The following DCDC2C variants were observed in gnomAD, a reference collection of about 807,000 sequenced individuals.
DCDC2C encodes doublecortin domain-containing protein 2C.
DCDC2C carries 44 observed loss-of-function variants against 45.0 expected under a neutral mutation model. The observed-to-expected ratio is 0.98, with a 90% CI of 0.77 to 1.26. DCDC2C has a LOEUF of 1.26. Ranked by LOEUF, DCDC2C falls within the 50% of genes most tolerant of loss-of-function variation. The pLI is 0.00. For synonymous variants in DCDC2C, 187 were observed against 178.8 expected, an observed-to-expected ratio of 1.05 and a Z score of -0.37; for missense variants, 447 against 468.9, an observed-to-expected ratio of 0.95 and a Z score of 0.43.
At chr2:3,721,898 G>A (rs1668514966) in intron 2 of DCDC2C, among the ~76,000 whole-genome samples, 1 of 152,188 alleles carries the variant, frequency 6.6e-6, no homozygotes, top group Non-Finnish European at 1.5e-5. Context: ...TGATTGTGAG[G>A]CCTCCCCAGC....
Position 3,752,879 on chromosome 2 carries a change from G to C in DCDC2C, c.662G>C (p.Arg221Thr). 9 of 1,550,488 alleles carry C rather than the reference G, an allele frequency of 5.8e-6. No homozygotes were observed. The highest frequency in any genetic ancestry group is 3.6e-5 in the South Asian group (3 of 84,050). Residue 221 changes from arginine (R) to threonine (T), a missense_variant, in exon 5 of 11, where the codon AGG (arginine) becomes ACG (threonine). Coordinates refer to ENST00000399143, the MANE Select transcript of DCDC2C (RefSeq NM_001287444.2). ...FKYFPYWKSP[R>T]VPSEVQQRYA... is the part of the protein sequence containing the mutation. Reference sequence around the variant, plus strand: ...TATTTTCCTTACTGGAAGTCTCCAAGGGTGCCCAGTGAGGTCCAACAGTGA... The same window carrying C: ...TATTTTCCTTACTGGAAGTCTCCAACGGTGCCCAGTGAGGTCCAACAGTGA...
At chr2:3,796,324 C>T (rs7604428) in intron 10 of DCDC2C, among the ~76,000 whole-genome samples, 43,027 of 103,572 alleles carry the variant, frequency 0.42, 16,499 homozygotes, top group South Asian at 0.58. Context: ...ACAGGGACAA[C>T]TTAAATTCTT....
intron 1 of DCDC2C, among the ~76,000 whole-genome samples, chr2:3,705,280 A>T (rs1041696602): frequency 2.0e-5 from 3 of 152,254 alleles, no homozygotes; most frequent in Non-Finnish European, 4.4e-5. Flanking sequence ...ACAGTTGCTA[A>T]GAGGTAGAAT....
intron 10 of DCDC2C, among the ~76,000 whole-genome samples, chr2:3,792,713 G>C (rs1309880462): frequency 6.6e-6 from 1 of 152,142 alleles, no homozygotes; most frequent in Non-Finnish European, 1.5e-5. Flanking sequence ...ACCACACTCT[G>C]TGAGGGTACT....
At chr2:3,829,463 G>A (rs1328616400) in intron 10 of DCDC2C, among the ~76,000 whole-genome samples, 1 of 152,042 alleles carries the variant, frequency 6.6e-6, no homozygotes, top group Non-Finnish European at 1.5e-5. Flanking sequence ...GCAGGCCCTC[G>A]TGGAGAGTGG....
At chr2:3,786,371 G>A (rs891645649) in intron 10 of DCDC2C, among the ~76,000 whole-genome samples, 4 of 147,690 alleles carry the variant, frequency 2.7e-5, no homozygotes, top group Non-Finnish European at 6.0e-5. Flanking sequence ...TGTGCACGGA[G>A]CCTCCGGTGC....
chr2:3,724,347 G>A (rs1668578955), intron 2 of DCDC2C, among the ~76,000 whole-genome samples: 1 of 152,162 alleles, frequency 6.6e-6, no homozygotes, highest in Non-Finnish European at 1.5e-5. Context: ...TCCCAGGGAG[G>A]TGCCAGAGTG....
At chr2:3,740,883 CA>C (rs575447227) in intron 3 of DCDC2C, among the ~76,000 whole-genome samples, 17 of 151,718 alleles carry the variant, frequency 1.1e-4, no homozygotes, top group Non-Finnish European at 2.4e-4. Flanking sequence ...AGGAAGAAGA[CA>C]AAAAATGGCA....
At chr2:3,827,800 A>G (rs1028275876) in intron 10 of DCDC2C, among the ~76,000 whole-genome samples, 5 of 152,200 alleles carry the variant, frequency 3.3e-5, no homozygotes, top group African/African-American at 1.2e-4. Flanking sequence ...ACATTGGAGC[A>G]GAAGTGCATT....
intron 9 of DCDC2C, among the ~76,000 whole-genome samples, chr2:3,784,097 G>T (rs1378326397): frequency 6.6e-6 from 1 of 151,982 alleles, no homozygotes; most frequent in African/African-American, 2.4e-5. Flanking sequence ...CCTAATTAAA[G>T]AAATGCAAAT....
rs1278025612 is a variant in DCDC2C, at chr2:3,847,706, A to G, written c.*523A>G. On this transcript the variant is annotated 3_prime_UTR_variant, in exon 11 of 11. Coordinates refer to ENST00000399143, the MANE Select transcript of DCDC2C (RefSeq NM_001287444.2). Reference sequence around the variant, plus strand: ...GGCTGTATGTCCTCACTCAAATCTCATGTCGAATTGTAATCCCCATGTGTT... The same window carrying G: ...GGCTGTATGTCCTCACTCAAATCTCGTGTCGAATTGTAATCCCCATGTGTT... 6.6e-6 allele frequency among the ~76,000 whole-genome samples: 1 copy of G among 152,054 alleles called. No homozygotes were observed. Among genetic ancestry groups the G allele is most frequent in the African/African-American group, 2.4e-5 (1 of 41,420 alleles).
intron 4 of DCDC2C, among the ~76,000 whole-genome samples, chr2:3,748,226 T>C (rs545000500): frequency 2.2e-4 from 33 of 151,946 alleles, no homozygotes; most frequent in African/African-American, 7.7e-4. Context: ...ATAGGAGACT[T>C]GTTTGGAGGC....
intron 10 of DCDC2C, among the ~76,000 whole-genome samples, chr2:3,798,088 C>T (rs1198552204): frequency 1.3e-5 from 2 of 151,932 alleles, no homozygotes; most frequent in African/African-American, 2.4e-5. Flanking sequence ...GGATAGTTAG[C>T]TCTTCTTGTT....
intron 2 of DCDC2C, among the ~76,000 whole-genome samples, chr2:3,714,482 A>G (rs1302353069): frequency 1.5e-5 from 2 of 134,114 alleles, no homozygotes; most frequent in South Asian, 2.2e-4. Context: ...ATGAATCCCA[A>G]TTCAATGTTT....
At chr2:3,767,622 G>A in intron 6 of DCDC2C, 132 bp from the exon 7 acceptor site, 1 of 970,894 alleles carries the variant, frequency 1.0e-6, no homozygotes, top group Non-Finnish European at 1.5e-6. Flanking sequence ...GAGGCTTCTT[G>A]GAGGTGCCTG....
intron 10 of DCDC2C, among the ~76,000 whole-genome samples, chr2:3,798,322 C>A (rs1558232652): frequency 4.6e-5 from 7 of 151,194 alleles, no homozygotes. Context: ...GACTCTTTAT[C>A]CAATTTGCCA....
intron 8 of DCDC2C, among the ~76,000 whole-genome samples, chr2:3,770,228 T>C (rs565735295): frequency 4.6e-5 from 7 of 152,240 alleles, no homozygotes; most frequent in Non-Finnish European, 8.8e-5. Context: ...TAGAGTTCCA[T>C]TTTTATTCCT....
chr2:3,711,040 AGT>A (rs770647898), intron 2 of DCDC2C, among the ~76,000 whole-genome samples: 2 of 152,260 alleles, frequency 1.3e-5, no homozygotes. Flanking sequence ...TCCCACCAAC[AGT>A]GTATAAGCAT....
Position 3,734,358 on chromosome 2 carries a change from C to T in DCDC2C, c.416+7279C>T, listed in dbSNP as rs1448072237. ...AGATAGGAGCCATCGACATAAAGAG[C>T]GAGATCTACTTAGGGCAGAGGGGTT... On this transcript the variant is annotated intron_variant, in intron 3 of 10. Transcript: ENST00000399143. This position sits in a 1 kb window ranked among gnomAD's most constrained non-coding sequence, Gnocchi z 4.2. 2.0e-5 allele frequency among the ~76,000 whole-genome samples: 3 copies of T among 152,034 alleles called. No homozygotes were observed. The highest frequency in any genetic ancestry group is 4.4e-5 in the Non-Finnish European group (3 of 68,024).
Sources: allele counts gnomAD v4.1 joint callset (sites outside exome capture counted in the v4.1 genomes callset), GRCh38; gene constraint gnomAD v4.1.1; non-coding constraint Gnocchi (gnomAD v3.1); transcripts MANE v1.5; gene names NCBI Gene and HGNC (gene_info 2026-07-23, HGNC 2026-07-21).